NR1H3: variants seen among roughly 807,000 people sequenced by gnomAD.
The protein encoded by NR1H3 is oxysterols receptor LXR-alpha.
Under a neutral mutation model 48.1 loss-of-function variants are expected in NR1H3, and 19 were observed. The observed-to-expected ratio is 0.40, with a 90% CI of 0.28 to 0.58. The LOEUF (loss-of-function observed/expected upper bound fraction) is 0.58, where lower values mean the gene tolerates loss of function less well. NR1H3 is among the 20% of genes least tolerant of loss of function. NR1H3 has a pLI of 0.50. For missense variants in NR1H3, 486 were observed against 595.9 expected, an observed-to-expected ratio of 0.82 and a Z score of 1.92; for synonymous variants, 232 against 227.3, an observed-to-expected ratio of 1.02 and a Z score of -0.19.
At chr11:47,259,439 T>A in intron 2 of NR1H3, 180 bp downstream of exon 2, 1 of 1,555,254 alleles carries the variant, frequency 6.4e-7, no homozygotes, top group Non-Finnish European at 8.7e-7. Context: ...GCCTGGCCCT[T>A]GCAGGCACCC....
At chr11:47,259,311 C>T in intron 2 of NR1H3, 52 bp downstream of exon 2, 1 of 1,612,640 alleles carries the variant, frequency 6.2e-7, no homozygotes, top group Non-Finnish European at 8.5e-7. Context: ...GGCTCCACGC[C>T]TCCTGTAGGA....
chr11:47,253,117 C>T (rs919332044), upstream of NR1H3, among the ~76,000 whole-genome samples: 4 of 82,040 alleles, frequency 4.9e-5, no homozygotes, highest in Non-Finnish European at 9.0e-5. Context: ...TGCCACCACG[C>T]CTGGCTAATT....
chr11:47,267,316 AAAC>A (rs1204364571), intron 7 of NR1H3, among the ~76,000 whole-genome samples: 1 of 152,148 alleles, frequency 6.6e-6, no homozygotes, highest in African/African-American at 2.4e-5. Context: ...CAAAGAAAAA[AAAC>A]AAGAATACCA....
chr11:47,248,929 A>T (rs1199430493), exon 1 of NR1H3: 1 of 1,535,518 alleles, frequency 6.5e-7, no homozygotes, highest in South Asian at 1.2e-5. Context: ...GGGTGCGGGG[A>T]AAAGGCGCAG....
upstream of NR1H3, chr11:47,248,611 C>A: frequency 6.4e-7 from 1 of 1,560,930 alleles, no homozygotes; most frequent in East Asian, 2.4e-5. Context: ...GATCCTCGAC[C>A]TCCACCAGCT....
upstream of NR1H3, chr11:47,248,508 C>CT: frequency 1.3e-6 from 2 of 1,551,136 alleles, no homozygotes; most frequent in Non-Finnish European, 1.7e-6. Context: ...GTCATCCTGA[C>CT]TCCCATAAGC....
chr11:47,263,630 T>A (rs1032722941), intron 7 of NR1H3, among the ~76,000 whole-genome samples: 9 of 146,754 alleles, frequency 6.1e-5, no homozygotes, highest in Non-Finnish European at 1.0e-4. Context: ...TTGAGATGGA[T>A]TCTCACTCTG....
chr11:47,268,375 T>G lies in NR1H3; in HGVS notation c.1197+20T>G. ...CCCCATGTGAGTCTCCCCATGGTGT[T>G]CCTTTTCCTCCTTCCCACACACAGG... is the stretch of plus-strand genomic sequence containing the variant. On this transcript the variant is annotated intron_variant, in intron 9 of 9. Coordinates refer to ENST00000441012, the MANE Select transcript of NR1H3 (RefSeq NM_005693.4). The G allele has an allele frequency of 6.2e-7, 1 of 1,610,702 alleles. No individual in the cohort carries two copies. Among genetic ancestry groups the G allele is most frequent in the Non-Finnish European group, 8.5e-7 (1 of 1,176,898 alleles).
At position 47,259,842 on chromosome 11, in the gene NR1H3, C is replaced by T; in HGVS notation, c.95C>T (p.Ala32Val). Residue 32 changes from alanine to valine, a missense_variant, in exon 3 of 10, where the codon GCC becomes GTC. Coordinates refer to ENST00000441012, the MANE Select transcript of NR1H3 (RefSeq NM_005693.4). ...GGCGCACAGGATGCAAGCAGCCAGG[C>T]CCAGGGAGGCAGCAGCTGCATCCTC... ...KPGAQDASSQ[A>V]QGGSSCILRE... 6.2e-7 allele frequency: 1 copy of T among 1,612,490 alleles called. No individual in the cohort carries two copies. The highest frequency in any genetic ancestry group is 8.5e-7 in the Non-Finnish European group (1 of 1,179,952).
intron 7 of NR1H3, among the ~76,000 whole-genome samples, chr11:47,262,699 C>G (rs1309137818): frequency 6.6e-6 from 1 of 151,562 alleles, no homozygotes; most frequent in African/African-American, 2.4e-5. Flanking sequence ...TTAGTAGAGA[C>G]AGGGTTTTAC....
intron 4 of NR1H3, 73 bp downstream of exon 4, chr11:47,260,748 G>T: frequency 6.7e-7 from 1 of 1,493,866 alleles, no homozygotes. Flanking sequence ...CAAAACAGGT[G>T]CCTGAACTTG....
At chr11:47,250,124 A>G (rs764538135) in intron 1 of NR1H3, among the ~76,000 whole-genome samples, 1 of 152,202 alleles carries the variant, frequency 6.6e-6, no homozygotes, top group East Asian at 1.9e-4. Flanking sequence ...AAACCTGATT[A>G]GGCTTGGTGT....
chr11:47,265,016 G>A (rs1956311602), intron 7 of NR1H3, among the ~76,000 whole-genome samples: 3 of 152,024 alleles, frequency 2.0e-5, no homozygotes, highest in African/African-American at 4.8e-5. Flanking sequence ...GCTTGCCGCC[G>A]GGCGTGGTGG....
In NR1H3 at chr11:47,268,117, G is replaced by A. The variant is rs944564991; in HGVS notation, c.1102+91G>A. ...GAATCGGTGGGGGGAGGGGGGTGGT[G>A]GCTTGGGAGGGTGGAGGCATTTGCT... On this transcript the variant is annotated intron_variant, in intron 8 of 9. Transcript: ENST00000441012. 4.3e-6 allele frequency: 5 copies of A among 1,175,260 alleles called. No homozygotes were observed. In the Admixed American group the frequency reaches 7.5e-5, roughly 18 times the overall value. 72.8% of individuals were successfully genotyped at this position (1,175,260 alleles called of 1,614,324 possible). A position where few individuals can be genotyped will look rare whatever the true frequency, so the allele number is the denominator to read the frequency against.
chr11:47,248,689 C>A, upstream of NR1H3: 3 of 1,611,654 alleles, frequency 1.9e-6, no homozygotes, highest in Non-Finnish European at 2.5e-6. Flanking sequence ...GGTAACGAAG[C>A]GCAGACTCCG....
intron 7 of NR1H3, among the ~76,000 whole-genome samples, chr11:47,262,781 G>A (rs1956047869): frequency 1.3e-5 from 2 of 152,172 alleles, no homozygotes; most frequent in Non-Finnish European, 2.9e-5. Flanking sequence ...AAAATGCTGG[G>A]ATTACAGGCA....
At chr11:47,268,128 G>C in intron 8 of NR1H3, 102 bp downstream of exon 8, 1 of 1,147,126 alleles carries the variant, frequency 8.7e-7, no homozygotes. Context: ...GCTTGGGAGG[G>C]TGGAGGCATT....
chr11:47,261,015 G>T (rs1386810892), intron 4 of NR1H3, among the ~76,000 whole-genome samples: 1 of 151,982 alleles, frequency 6.6e-6, no homozygotes, highest in Admixed American at 6.6e-5. Flanking sequence ...AACACGGGAG[G>T]TGGAGGTTGC....
At chr11:47,252,563 GTTT>G (rs1011961103) in intron 1 of NR1H3, among the ~76,000 whole-genome samples, 1 of 147,766 alleles carries the variant, frequency 6.8e-6, no homozygotes, top group Admixed American at 6.7e-5. Context: ...CCACCCGGCT[GTTT>G]TTTTTGTTTG....
Sources: allele counts gnomAD v4.1 joint callset (sites outside exome capture counted in the v4.1 genomes callset), GRCh38; gene constraint gnomAD v4.1.1; transcripts MANE v1.5; gene names NCBI Gene and HGNC (gene_info 2026-07-23, HGNC 2026-07-21).